Variants in ARHGAP25 observed in about 807,000 individuals in gnomAD.
The protein encoded by ARHGAP25 is Rho GTPase activating protein 25, also known as rho GTPase-activating protein 25.
A neutral mutation model predicts 71.0 loss-of-function variants in ARHGAP25; 34 were observed. The ratio of observed to expected loss-of-function variants is 0.48; its 90% CI spans 0.36 to 0.64. The LOEUF (loss-of-function observed/expected upper bound fraction) is 0.64, where lower values mean the gene tolerates loss of function less well. ARHGAP25 is among the 30% of genes least tolerant of loss of function. The pLI is 0.00. For synonymous variants in ARHGAP25, 282 were observed against 296.5 expected (o/e 0.95, Z 0.50); for missense variants, 706 against 805.1 (o/e 0.88, Z 1.49).
intron 4 of ARHGAP25, among the ~76,000 whole-genome samples, chr2:68,792,093 T>A (rs534097990): frequency 1.7e-4 from 26 of 152,096 alleles, no homozygotes; most frequent in Non-Finnish European, 3.8e-4. Context: ...CAGTCCAAAT[T>A]GCAAATCATC....
intron 4 of ARHGAP25, among the ~76,000 whole-genome samples, chr2:68,791,166 T>A (rs1284444559): frequency 8.5e-5 from 13 of 152,236 alleles, no homozygotes; most frequent in Non-Finnish European, 1.8e-4. Flanking sequence ...CAGTTCTGCC[T>A]CGCTTTGCTC....
chr2:68,782,291 C>G lies in ARHGAP25; in HGVS notation c.320C>G (p.Ala107Gly). 1 of 1,614,090 alleles carries G rather than the reference C, an allele frequency of 6.2e-7. No homozygotes were observed. Among genetic ancestry groups the G allele is most frequent in the Non-Finnish European group, 8.5e-7 (1 of 1,179,982 alleles). ...GAGATCGCCACAAACCCAGAAGAAG[C>G]TGGGAAGTTTGTCTTTGAAATCATT... ...IKEIATNPEEAGKFVFEIIPA... is the reference protein window; with the variant it reads ...IKEIATNPEEGGKFVFEIIPA... The change falls in exon 3 of 11, where the codon GCT becomes GGT. Residue 107 changes from alanine (A) to glycine (G), a missense_variant. Physicochemically the swap from Ala to Gly is moderately conservative, Grantham distance 60. Transcript: ENST00000409202.
At chr2:68,769,468 G>A (rs1183333031) in intron 1 of ARHGAP25, among the ~76,000 whole-genome samples, 1 of 152,144 alleles carries the variant, frequency 6.6e-6, no homozygotes, top group African/African-American at 2.4e-5. Context: ...GGCTGCGTAT[G>A]TAGAAGCCTG....
In ARHGAP25 at chr2:68,826,076, A is replaced by G. The variant is rs1445783332; in HGVS notation, c.1823A>G (p.Glu608Gly). ...GAAAAGAAGAAGTCTGCAGCCCTAG[A>G]GATCAGCCTCCGCAACATGGAGCGC... ...EKEKKKSAAL[E>G]ISLRNMERSR... The change falls in exon 11 of 11, where the codon GAG (glutamate) becomes GGG (glycine). Residue 608 changes from glutamate to glycine, a missense_variant. Physicochemically the swap from Glu to Gly is moderately conservative, Grantham distance 98 (BLOSUM62 -2). Transcript: ENST00000409202. 6 of 1,613,990 alleles carry G rather than the reference A, an allele frequency of 3.7e-6. No homozygotes were observed. The East Asian group carries it at 1.1e-4, about 30-fold the overall frequency.
At chr2:68,775,144 C>T (rs1369681636) in intron 1 of ARHGAP25, 77 bp from the exon 2 acceptor site, 4 of 1,611,946 alleles carry the variant, frequency 2.5e-6, no homozygotes, top group Non-Finnish European at 3.4e-6. Flanking sequence ...CTCTGGGGTT[C>T]CTCTCTCCTC....
chr2:68,810,731 C>CTTTTTTTTTTTTTTT, intron 5 of ARHGAP25, among the ~76,000 whole-genome samples: 1 of 74,352 alleles, frequency 1.3e-5, no homozygotes, highest in Non-Finnish European at 2.5e-5. Flanking sequence ...CTTTTCTTCT[C>CTTTTTTTTTTTTTTT]TTTTTTTTTT....
At chr2:68,795,992 G>C (rs973192387) in intron 4 of ARHGAP25, among the ~76,000 whole-genome samples, 6 of 152,124 alleles carry the variant, frequency 3.9e-5, no homozygotes, top group African/African-American at 1.4e-4. Flanking sequence ...CATTTATATA[G>C]TTCCAAATGA....
intron 1 of ARHGAP25, among the ~76,000 whole-genome samples, chr2:68,768,425 C>T (rs765560931): frequency 2.2e-4 from 33 of 152,160 alleles, no homozygotes; most frequent in Non-Finnish European, 3.7e-4. Flanking sequence ...GCTCACATTT[C>T]GTTCTAAAAC....
At chr2:68,815,932 G>A (rs1271776895) in intron 6 of ARHGAP25, among the ~76,000 whole-genome samples, 2 of 151,946 alleles carry the variant, frequency 1.3e-5, no homozygotes, top group Non-Finnish European at 1.5e-5. Flanking sequence ...ATCTTATTGT[G>A]GTCTTATTCT....
intron 5 of ARHGAP25, among the ~76,000 whole-genome samples, chr2:68,808,942 G>A (rs961982586): frequency 4.6e-5 from 7 of 152,028 alleles, no homozygotes; most frequent in Non-Finnish European, 1.0e-4. Flanking sequence ...ACCTTACCTT[G>A]CGACATCTCC....
At chr2:68,747,599 C>G (rs1360266873) in intron 1 of ARHGAP25, among the ~76,000 whole-genome samples, 1 of 152,220 alleles carries the variant, frequency 6.6e-6, no homozygotes, top group East Asian at 1.9e-4. Flanking sequence ...TCCAACGTCT[C>G]TTCTGGGTTC....
intron 5 of ARHGAP25, among the ~76,000 whole-genome samples, chr2:68,807,841 T>A (rs1680488162): frequency 6.6e-6 from 1 of 152,172 alleles, no homozygotes; most frequent in Admixed American, 6.5e-5. Context: ...AGAGCTGAGC[T>A]GTACAAACAC....
chr2:68,770,583 C>A (rs1221456968), intron 1 of ARHGAP25, among the ~76,000 whole-genome samples: 1 of 152,198 alleles, frequency 6.6e-6, no homozygotes, highest in Non-Finnish European at 1.5e-5. Flanking sequence ...CTTTAATTTT[C>A]CTTTGCCCCA....
chr2:68,808,798 G>T (rs1416348752), intron 5 of ARHGAP25, among the ~76,000 whole-genome samples: 1 of 152,236 alleles, frequency 6.6e-6, no homozygotes, highest in Non-Finnish European at 1.5e-5. Flanking sequence ...TGTGCCAAAA[G>T]GAATAGAGGT....
chr2:68,810,420 C>A (rs4854520), intron 5 of ARHGAP25, among the ~76,000 whole-genome samples: 1 of 151,960 alleles, frequency 6.6e-6, no homozygotes, highest in African/African-American at 2.4e-5. Flanking sequence ...AAGCTGAGAC[C>A]CAATAAACAA....
intron 10 of ARHGAP25, among the ~76,000 whole-genome samples, chr2:68,824,114 G>C (rs1006199566): frequency 1.3e-5 from 2 of 152,212 alleles, no homozygotes; most frequent in Non-Finnish European, 2.9e-5. Flanking sequence ...AATGTAGCTT[G>C]TTTGTCTAAG....
At chr2:68,729,800 A>G (rs996377102) in intron 2 of ARHGAP25, among the ~76,000 whole-genome samples, 1 of 152,244 alleles carries the variant, frequency 6.6e-6, no homozygotes, top group Non-Finnish European at 1.5e-5. Flanking sequence ...ATCAAAGTGT[A>G]CAATTCAGTG....
At chr2:68,715,975 C>G (rs1048772362) in intron 2 of ARHGAP25, among the ~76,000 whole-genome samples, 18 of 152,212 alleles carry the variant, frequency 1.2e-4, no homozygotes, top group Admixed American at 9.2e-4. Flanking sequence ...CAGTCGTTTT[C>G]ACACCTGCCA....
At chr2:68,731,820 C>T (rs76909318), upstream of ARHGAP25, among the ~76,000 whole-genome samples, 15,096 of 151,702 alleles carry the variant, frequency 0.1, 998 homozygotes, top group East Asian at 0.23. Context: ...ATACACCCCC[C>T]CTAGCTCCCT....
Sources: gnomAD v4.1 joint callset for allele counts (sites outside exome capture counted in the v4.1 genomes callset) on GRCh38, gnomAD v4.1.1 for gene constraint, MANE v1.5 for transcripts, NCBI Gene and HGNC (gene_info 2026-07-23, HGNC 2026-07-21) for gene names.